PHF21A: variants seen among roughly 807,000 people sequenced by gnomAD.
PHF21A encodes PHD finger protein 21A, also known as BHC80a.
PHF21A carries 11 observed loss-of-function variants against 82.5 expected under a neutral mutation model. That is an observed-to-expected ratio of 0.13 (90% confidence interval 0.08 to 0.22). PHF21A has a LOEUF of 0.22. PHF21A is among the 10% of genes least tolerant of loss of function. The pLI is 1.00. For missense variants in PHF21A, 579 were observed against 837.8 expected, an observed-to-expected ratio of 0.69 and a Z score of 3.81; for synonymous variants, 297 against 302.8, an observed-to-expected ratio of 0.98 and a Z score of 0.20.
chr11:46,003,555 T>C (rs1431359753), intron 6 of PHF21A, among the ~76,000 whole-genome samples: 1 of 152,124 alleles, frequency 6.6e-6, no homozygotes, highest in East Asian at 1.9e-4. Flanking sequence ...CTGCCCATAA[T>C]GATGATGACA....
intron 6 of PHF21A, among the ~76,000 whole-genome samples, chr11:46,058,951 T>C (rs1295213334): frequency 6.6e-6 from 1 of 152,136 alleles, no homozygotes; most frequent in Admixed American, 6.5e-5. Context: ...CAAAGAAAGA[T>C]GAAGAGACAC....
intron 6 of PHF21A, among the ~76,000 whole-genome samples, chr11:46,005,116 C>G (rs1422683804): frequency 6.6e-6 from 1 of 152,082 alleles, no homozygotes; most frequent in African/African-American, 2.4e-5. Flanking sequence ...CAAGAGCAAC[C>G]GCAGTCCAAA....
intron 9 of PHF21A, among the ~76,000 whole-genome samples, chr11:45,968,149 T>C (rs2093558680): frequency 6.6e-6 from 1 of 152,242 alleles, no homozygotes; most frequent in Non-Finnish European, 1.5e-5. Flanking sequence ...CTCTCAACAT[T>C]GGTTATTACC....
intron 14 of PHF21A, among the ~76,000 whole-genome samples, chr11:45,946,256 G>A (rs759220764): frequency 6.6e-6 from 1 of 152,180 alleles, no homozygotes; most frequent in African/African-American, 2.4e-5. Context: ...GAAGGTGCTG[G>A]CTTATGTAGA....
chr11:45,941,559 C>A (rs1182428437), intron 15 of PHF21A, among the ~76,000 whole-genome samples: 2 of 152,084 alleles, frequency 1.3e-5, no homozygotes, highest in African/African-American at 4.8e-5. Flanking sequence ...CTGAAAGAGT[C>A]TCGGGGACTC....
chr11:45,957,751 C>CAAAAAAAAAAAAAAAAAAAAAAAAAAAAA, intron 10 of PHF21A, among the ~76,000 whole-genome samples: 6 of 60,890 alleles, frequency 9.9e-5, no homozygotes, highest in Non-Finnish European at 1.3e-4. Flanking sequence ...AAATTCAAAG[C>CAAAAAAAAAAAAAAAAAAAAAAAAAAAAA]AAAAAAAAAA....
intron 6 of PHF21A, among the ~76,000 whole-genome samples, chr11:46,040,421 A>G (rs560642394): frequency 4.6e-5 from 7 of 152,330 alleles, no homozygotes; most frequent in Admixed American, 4.6e-4. Flanking sequence ...TAACTTAGCA[A>G]TCTAATTATA....
intron 6 of PHF21A, among the ~76,000 whole-genome samples, chr11:45,988,005 T>C (rs1288451273): frequency 2.0e-5 from 3 of 152,100 alleles, no homozygotes; most frequent in Non-Finnish European, 2.9e-5. Flanking sequence ...CCCTGACAAG[T>C]TGGATATGAA....
At chr11:45,989,323 A>T (rs779438406) in intron 6 of PHF21A, among the ~76,000 whole-genome samples, 3 of 152,066 alleles carry the variant, frequency 2.0e-5, no homozygotes, top group African/African-American at 7.2e-5. Flanking sequence ...AAAAGCATGA[A>T]CGATCTCTTA....
At chr11:46,090,255 TA>T (rs1311713239) in intron 3 of PHF21A, among the ~76,000 whole-genome samples, 199 bp downstream of exon 3, 1 of 151,958 alleles carries the variant, frequency 6.6e-6, no homozygotes, top group Non-Finnish European at 1.5e-5. Context: ...AATGACTATT[TA>T]AAAAAAAACT....
chr11:46,014,872 C>T (rs752745939), intron 6 of PHF21A, among the ~76,000 whole-genome samples: 4,771 of 93,792 alleles, frequency 0.051, 1,023 homozygotes, highest in Non-Finnish European at 0.064. Context: ...CCCAGCTACT[C>T]GGGAGGCTGA....
intron 6 of PHF21A, among the ~76,000 whole-genome samples, chr11:46,046,123 T>C (rs1476439803): frequency 6.6e-6 from 1 of 152,158 alleles, no homozygotes; most frequent in Non-Finnish European, 1.5e-5. Context: ...CCTGACTCCA[T>C]CTTTTGCTAT....
chr11:45,993,467 T>C (rs957292670), intron 6 of PHF21A, among the ~76,000 whole-genome samples: 3 of 151,932 alleles, frequency 2.0e-5, no homozygotes, highest in African/African-American at 7.2e-5. Flanking sequence ...CACAGTTCTG[T>C]GATAGTAAAA....
At chr11:46,069,851 A>C (rs973965181) in intron 6 of PHF21A, among the ~76,000 whole-genome samples, 1 of 152,216 alleles carries the variant, frequency 6.6e-6, no homozygotes, top group African/African-American at 2.4e-5. Context: ...CGTAAGATGA[A>C]AGTGTTACAT....
chr11:46,053,393 G>A (rs1483755558), intron 6 of PHF21A, among the ~76,000 whole-genome samples: 1 of 152,068 alleles, frequency 6.6e-6, no homozygotes, highest in African/African-American at 2.4e-5. Flanking sequence ...GAGCTAGGAA[G>A]AAAAATCATA....
intron 6 of PHF21A, among the ~76,000 whole-genome samples, chr11:46,053,336 A>G (rs2096399316): frequency 6.6e-6 from 1 of 152,174 alleles, no homozygotes; most frequent in Admixed American, 6.5e-5. Context: ...CTCTTTTGAT[A>G]TAAGTGTATA....
chr11:46,014,072 C>T (rs1415949929), intron 6 of PHF21A, among the ~76,000 whole-genome samples: 1 of 152,130 alleles, frequency 6.6e-6, no homozygotes, highest in Non-Finnish European at 1.5e-5. Flanking sequence ...CAGCATATTT[C>T]ATAATGCTGA....
At chr11:45,980,102 A>G in intron 6 of PHF21A, 136 bp from the exon 7 acceptor site, 2 of 1,279,594 alleles carry the variant, frequency 1.6e-6, no homozygotes, top group Non-Finnish European at 1.1e-6. Context: ...CAGGTTCTAC[A>G]TATGAAGAGC....
At chr11:46,110,803 T>G (rs1388326279) in intron 1 of PHF21A, among the ~76,000 whole-genome samples, 2 of 147,278 alleles carry the variant, frequency 1.4e-5, no homozygotes, top group African/African-American at 2.5e-5. Context: ...TTTTTTTTTT[T>G]GAGACAGAGT....
Sources: allele counts gnomAD v4.1 joint callset (sites outside exome capture counted in the v4.1 genomes callset), GRCh38; gene constraint gnomAD v4.1.1; transcripts MANE v1.5; gene names NCBI Gene and HGNC (gene_info 2026-07-23, HGNC 2026-07-21).